PCDHA2: variants seen among roughly 807,000 people sequenced by gnomAD.
PCDHA2 encodes the protein protocadherin alpha 2.
A neutral mutation model predicts 66.0 loss-of-function variants in PCDHA2; 58 were observed. That is an observed-to-expected ratio of 0.88 (90% CI 0.71 to 1.09). The LOEUF is 1.09. PCDHA2 is among the 50% of genes least tolerant of loss of function. The probability of loss-of-function intolerance (pLI) is 0.00; values close to 1 mark genes in which losing one functional copy is unlikely to be tolerated. For synonymous variants in PCDHA2, 634 were observed against 554.0 expected (o/e 1.14, Z -2.03); for missense variants, 1,267 against 1,242.3 (o/e 1.02, Z -0.30).
At position 140,961,643 on chromosome 5, in the gene PCDHA2, A is replaced by G. The variant is rs533824470; in HGVS notation, c.2389-17306A>G. Reference sequence around the variant, plus strand: ...CCATATGAAAAACAATCTTAAGTCTATGTGGTTAGTTTGAAGTTACCAGTT... The same window carrying G: ...CCATATGAAAAACAATCTTAAGTCTGTGTGGTTAGTTTGAAGTTACCAGTT... On this transcript the variant is annotated intron_variant, in intron 1 of 3. Coordinates refer to ENST00000526136, the MANE Select transcript of PCDHA2 (RefSeq NM_018905.3). Among the ~76,000 whole-genome samples the G allele has an allele frequency of 7.2e-5, 11 of 152,324 alleles. No homozygotes were observed. The East Asian group carries it at 1.9e-3, about 27-fold the overall frequency.
At position 140,967,914 on chromosome 5, in the gene PCDHA2, T is replaced by C. The variant is rs1376293284; in HGVS notation, c.2389-11035T>C. On this transcript the variant is annotated intron_variant, in intron 1 of 3. Coordinates refer to ENST00000526136, the MANE Select transcript of PCDHA2 (RefSeq NM_018905.3). ...CCTGAGAATGCTACACCCAACACCA[T>C]TGTGGCCGTTCTCAGTGTCAATGAC... 1.2e-5 allele frequency: 20 copies of C among 1,614,060 alleles called. No individual in the cohort carries two copies. The highest frequency in any genetic ancestry group is 3.3e-5 in the South Asian group (3 of 91,086).
At chr5:140,807,790 C>G in intron 1 of PCDHA2, 1 of 1,614,150 alleles carries the variant, frequency 6.2e-7, no homozygotes, top group Non-Finnish European at 8.5e-7. Flanking sequence ...AATCTTTAGA[C>G]AGAGAAGAAG....
At chr5:140,812,747 C>G (rs2126641508) in intron 1 of PCDHA2, 1 of 152,250 alleles carries the variant, frequency 6.6e-6, no homozygotes, top group African/African-American at 2.4e-5. Context: ...GCGTGAGCCA[C>G]TGAGCTTGCC....
intron 1 of PCDHA2, among the ~76,000 whole-genome samples, chr5:140,873,969 A>T (rs1438036244): frequency 6.6e-6 from 1 of 152,224 alleles, no homozygotes; most frequent in Non-Finnish European, 1.5e-5. Context: ...CCTATTTTTT[A>T]AAATTAAAGT....
At chr5:140,871,308 G>A (rs1554165414) in intron 1 of PCDHA2, 2 of 1,613,998 alleles carry the variant, frequency 1.2e-6, no homozygotes, top group Admixed American at 1.7e-5. Flanking sequence ...CGCCGGGGAA[G>A]CCCACGCTGG....
chr5:140,996,691 C>A (rs150925396), intron 3 of PCDHA2, among the ~76,000 whole-genome samples: 217 of 152,274 alleles, frequency 1.4e-3, no homozygotes, highest in African/African-American at 5.0e-3. Context: ...TAGTATTCTT[C>A]TGAACCTCTA....
At chr5:140,863,444 G>T in intron 1 of PCDHA2, 4 of 585,532 alleles carry the variant, frequency 6.8e-6, no homozygotes, top group South Asian at 1.4e-5. Flanking sequence ...GGTCTTACTC[G>T]CAGCAAAGGA....
chr5:140,930,377 T>C (rs1480359985), intron 1 of PCDHA2: 1 of 152,198 alleles, frequency 6.6e-6, no homozygotes, highest in Non-Finnish European at 1.5e-5. Flanking sequence ...TAGTGGCCCT[T>C]GGCATTTCAA....
At chr5:140,980,437 C>G (rs1586844281) in intron 2 of PCDHA2, among the ~76,000 whole-genome samples, 1 of 152,156 alleles carries the variant, frequency 6.6e-6, no homozygotes, top group Admixed American at 6.5e-5. Flanking sequence ...CGAGACCATC[C>G]TGGACAACAC....
At chr5:140,876,298 G>T (rs1469744425) in intron 1 of PCDHA2, 3 of 1,613,970 alleles carry the variant, frequency 1.9e-6, no homozygotes, top group Non-Finnish European at 1.7e-6. Context: ...ACTTAATGGA[G>T]AAATTTCCTA....
chr5:140,848,909 G>A lies in PCDHA2; in HGVS notation c.2388+51557G>A, dbSNP rs2150424301. On this transcript the variant is annotated intron_variant, in intron 1 of 3. Coordinates refer to ENST00000526136, the MANE Select transcript of PCDHA2 (RefSeq NM_018905.3). ...CTCCAGTGTTCCCAGCGACACAAAA[G>A]AATCTGTTCATCGCGGAATCCAGGC... 5 of 1,608,122 alleles carry A rather than the reference G, an allele frequency of 3.1e-6. No homozygotes were observed. In the African/African-American group the frequency reaches 4.1e-5, roughly 13 times the overall value.
At chr5:140,841,330 T>C (rs2150313655) in intron 1 of PCDHA2, 15 of 1,609,434 alleles carry the variant, frequency 9.3e-6, no homozygotes, top group Non-Finnish European at 1.1e-5. Context: ...ACATGGATTA[T>C]CACTGGCGAG....
At chr5:140,927,157 G>T (rs868936673) in intron 1 of PCDHA2, 1 of 1,614,146 alleles carries the variant, frequency 6.2e-7, no homozygotes, top group Admixed American at 1.7e-5. Flanking sequence ...GCTGTGCAGG[G>T]CCAAAGCTGC....
At chr5:140,895,862 A>T (rs1199310977) in intron 1 of PCDHA2, among the ~76,000 whole-genome samples, 1 of 152,136 alleles carries the variant, frequency 6.6e-6, no homozygotes, top group Non-Finnish European at 1.5e-5. Context: ...CCCAGGCTGG[A>T]GTGCAATGGC....
intron 3 of PCDHA2, among the ~76,000 whole-genome samples, chr5:141,006,247 T>C (rs1554260651): frequency 2.0e-5 from 3 of 152,126 alleles, no homozygotes; most frequent in Non-Finnish European, 2.9e-5. Context: ...AGTCTTGCTC[T>C]GTTGCCCAGG....
At chr5:140,849,960 C>G in intron 1 of PCDHA2, 1 of 1,597,926 alleles carries the variant, frequency 6.3e-7, no homozygotes, top group Non-Finnish European at 8.6e-7. Context: ...GGAGAACGCC[C>G]TGGTGTCCTA....
intron 1 of PCDHA2, chr5:140,856,124 G>A (rs2043793970): frequency 6.3e-7 from 1 of 1,598,042 alleles, no homozygotes; most frequent in African/African-American, 1.3e-5. Context: ...CTGGGAGGTG[G>A]GGAGCGGCCA....
intron 1 of PCDHA2, among the ~76,000 whole-genome samples, chr5:140,954,472 G>T (rs1031225118): frequency 8.5e-5 from 13 of 152,182 alleles, no homozygotes; most frequent in Admixed American, 6.5e-5. Context: ...TCTGACTGGT[G>T]TGAGAAGATA....
chr5:140,808,902 G>C, intron 1 of PCDHA2: 1 of 1,613,452 alleles, frequency 6.2e-7, no homozygotes, highest in Non-Finnish European at 8.5e-7. Context: ...CGGGCGGGTG[G>C]CACTGGTGGC....
Sources: allele counts gnomAD v4.1 joint callset (sites outside exome capture counted in the v4.1 genomes callset), GRCh38; gene constraint gnomAD v4.1.1; transcripts MANE v1.5; gene names NCBI Gene and HGNC (gene_info 2026-07-23, HGNC 2026-07-21).